CR1: variants seen among roughly 807,000 people sequenced by gnomAD.
The protein encoded by CR1 is complement C3b/C4b receptor 1 (Knops blood group).
CR1 carries 116 observed loss-of-function variants against 187.3 expected under a neutral mutation model. That is an observed-to-expected ratio of 0.62 (90% CI 0.53 to 0.72). The LOEUF (loss-of-function observed/expected upper bound fraction) is 0.72. Among genes scored for constraint, CR1 ranks in the 30% least tolerant of loss-of-function variants. The probability of loss-of-function intolerance (pLI) is 0.00; values close to 1 mark genes in which losing one functional copy is unlikely to be tolerated. For missense variants in CR1, 1,731 were observed against 2,110.7 expected (o/e 0.82, Z 3.52); for synonymous variants, 576 against 747.1 (o/e 0.77, Z 3.73).
At chr1:207,610,068 G>C (rs924852905) in intron 37 of CR1, among the ~76,000 whole-genome samples, 1 of 152,082 alleles carries the variant, frequency 6.6e-6, no homozygotes, top group South Asian at 2.1e-4. Context: ...AGTGATGATC[G>C]TATCTCTATC....
intron 45 of CR1, among the ~76,000 whole-genome samples, chr1:207,630,235 G>A (rs1662599344): frequency 6.6e-6 from 1 of 152,128 alleles, no homozygotes; most frequent in Admixed American, 6.6e-5. Context: ...AATTATGTCA[G>A]AAATAGTGAA....
intron 44 of CR1, among the ~76,000 whole-genome samples, chr1:207,622,523 C>T (rs1276227824): frequency 1.3e-5 from 2 of 152,340 alleles, no homozygotes; most frequent in East Asian, 1.9e-4. Context: ...AGAGAGTTAA[C>T]GTAACTTGTC....
Position 207,609,444 on chromosome 1 carries a change from T to C in CR1, c.6051T>C (p.Tyr2017=). 1.9e-6 allele frequency: 3 copies of C among 1,613,984 alleles called. No individual in the cohort carries two copies. Among genetic ancestry groups the C allele is most frequent in the Non-Finnish European group, 2.5e-6 (3 of 1,179,884 alleles). ...LFELVGERSI[Y]CTSKDDQVGV... ...AGCTTGTGGGAGAACGGTCAATATA[T>C]TGCACCAGCAAAGATGATCAAGTTG... Residue 2017 remains tyrosine (Y), a synonymous_variant, in exon 37 of 47, where the codon TAT becomes TAC. Coordinates refer to ENST00000367049, the MANE Select transcript of CR1 (RefSeq NM_000651.6).
At chr1:207,629,273 C>T (rs952092806) in intron 45 of CR1, among the ~76,000 whole-genome samples, 4 of 152,174 alleles carry the variant, frequency 2.6e-5, no homozygotes, top group African/African-American at 4.8e-5. Context: ...TAAGGCCATC[C>T]TCTGTGAAGT....
At chr1:207,522,124 A>G (rs1660017409) in intron 4 of CR1, among the ~76,000 whole-genome samples, 1 of 152,106 alleles carries the variant, frequency 6.6e-6, no homozygotes, top group African/African-American at 2.4e-5. Flanking sequence ...CAGGAATTCT[A>G]TTTGAAAACT....
At chr1:207,515,182 T>TAC (rs1659760675) in intron 4 of CR1, among the ~76,000 whole-genome samples, 1 of 82,984 alleles carries the variant, frequency 1.2e-5, no homozygotes, top group African/African-American at 6.0e-5. Flanking sequence ...TATATACATA[T>TAC]ATACGTATAT....
At chr1:207,617,610 TATAGAG>T (rs1278006914) in intron 41 of CR1, among the ~76,000 whole-genome samples, 35 of 9,330 alleles carry the variant, frequency 3.8e-3, no homozygotes, top group South Asian at 4.6e-3. Context: ...TATATATATA[TATAGAG>T]AGAGAGAGAG....
intron 3 of CR1, among the ~76,000 whole-genome samples, chr1:207,509,553 C>T (rs1659552406): frequency 1.3e-5 from 2 of 152,044 alleles, no homozygotes; most frequent in Non-Finnish European, 2.9e-5. Context: ...CTATCTGTTC[C>T]CCTTGATCAG....
intron 27 of CR1, among the ~76,000 whole-genome samples, chr1:207,575,091 A>G (rs1235029020): frequency 6.6e-6 from 1 of 152,184 alleles, no homozygotes; most frequent in Non-Finnish European, 1.5e-5. Context: ...ATTTATCTCA[A>G]TACATTTGGT....
chr1:207,553,076 A>G lies in CR1; in HGVS notation c.3101+225A>G. On this transcript the variant is annotated intron_variant, in intron 19 of 46. Transcript: ENST00000367049. ...TGCACATATAAAGAGTATGCTGTTC[A>G]CTGGATGGGAAAGAAAAAAAATTAG... is the stretch of plus-strand genomic sequence containing the variant. 4 of 316,568 alleles carry G rather than the reference A, an allele frequency of 1.3e-5. 1 individual carries two copies. The highest frequency in any genetic ancestry group is 2.2e-5 in the Non-Finnish European group (4 of 182,586). 19.6% of individuals were successfully genotyped at this position (316,568 alleles called of 1,614,324 possible). A position where few individuals can be genotyped will look rare whatever the true frequency, so the allele number is the denominator to read the frequency against.
At chr1:207,590,905 A>G (rs955469880) in intron 35 of CR1, among the ~76,000 whole-genome samples, 5 of 152,240 alleles carry the variant, frequency 3.3e-5, no homozygotes, top group East Asian at 3.8e-4. Context: ...AGAGCTAACT[A>G]TCCTAAATAT....
chr1:207,577,275 A>C (rs1660780469), intron 28 of CR1, among the ~76,000 whole-genome samples: 1 of 151,800 alleles, frequency 6.6e-6, no homozygotes, highest in South Asian at 2.1e-4. Flanking sequence ...CAAAAAAAAA[A>C]CACATGGACT....
chr1:207,609,436 T>A lies in CR1; in HGVS notation c.6043T>A (p.Ser2015Thr). ...GCTGTTTGAGCTTGTGGGAGAACGG[T>A]CAATATATTGCACCAGCAAAGATGA... ...EQLFELVGER[S>T]IYCTSKDDQV... Residue 2015 changes from serine (S) to threonine (T), a missense_variant, in exon 37 of 47, where the codon TCA becomes ACA. Around this residue, in one of 5 missense-constraint regions of CR1, gnomAD observed 1,312 missense variants for 1,379.6 expected, o/e 0.95. Transcript: ENST00000367049. 6.2e-7 allele frequency: 1 copy of A among 1,613,960 alleles called. No individual in the cohort carries two copies. Among genetic ancestry groups the A allele is most frequent in the Non-Finnish European group, 8.5e-7 (1 of 1,179,876 alleles).
intron 43 of CR1, among the ~76,000 whole-genome samples, chr1:207,621,230 G>A (rs939381475): frequency 3.3e-5 from 5 of 152,014 alleles, no homozygotes; most frequent in South Asian, 2.1e-4. Context: ...AGCCGAGATC[G>A]CTCCATTGCA....
At chr1:207,581,519 G>A (rs1384899918) in intron 31 of CR1, among the ~76,000 whole-genome samples, 1 of 147,392 alleles carries the variant, frequency 6.8e-6, no homozygotes, top group South Asian at 2.1e-4. Context: ...AAATATTCTA[G>A]GGGTTGTTAA....
chr1:207,511,548 T>C, intron 3 of CR1, 21 bp from the exon 4 acceptor site: 1 of 1,607,238 alleles, frequency 6.2e-7, no homozygotes, highest in Non-Finnish European at 8.5e-7. Flanking sequence ...GAATGTAACA[T>C]TCCTTATTTT....
chr1:207,567,134 T>G (rs1253985865), intron 24 of CR1, among the ~76,000 whole-genome samples: 1 of 150,464 alleles, frequency 6.6e-6, no homozygotes, highest in African/African-American at 2.5e-5. Context: ...AGGAAGAGAC[T>G]GTTCTAAACA....
At chr1:207,624,864 C>A (rs1662432776) in intron 45 of CR1, among the ~76,000 whole-genome samples, 1 of 152,080 alleles carries the variant, frequency 6.6e-6, no homozygotes, top group Admixed American at 6.5e-5. Context: ...GGAGTTGGGG[C>A]TTCTAATTTT....
intron 40 of CR1, 26 bp downstream of exon 40, chr1:207,614,515 G>A (rs1174059431): frequency 6.3e-7 from 1 of 1,588,062 alleles, no homozygotes; most frequent in Non-Finnish European, 8.6e-7. Flanking sequence ...TATGTAGTTT[G>A]GATAGCTCTC....
Sources: allele counts gnomAD v4.1 joint callset (sites outside exome capture counted in the v4.1 genomes callset), GRCh38; gene constraint gnomAD v4.1.1; regional missense constraint gnomAD v4.1.1; transcripts MANE v1.5; gene names NCBI Gene and HGNC (gene_info 2026-07-23, HGNC 2026-07-21).